ZNF232: variants seen among roughly 807,000 people sequenced by gnomAD.
The protein encoded by ZNF232 is zinc finger and SCAN domain-containing protein 11.
ZNF232 carries 25 observed loss-of-function variants against 25.2 expected under a neutral mutation model. The observed-to-expected ratio is 0.99, with a 90% CI of 0.72 to 1.39. ZNF232 has a LOEUF of 1.39. ZNF232 is among the 40% of genes most tolerant of loss of function. The pLI is 0.00. For missense variants in ZNF232, 519 were observed against 520.9 expected, an observed-to-expected ratio of 1.00 and a Z score of 0.04; for synonymous variants, 193 against 182.9, an observed-to-expected ratio of 1.06 and a Z score of -0.45.
intron 3 of ZNF232, among the ~76,000 whole-genome samples, chr17:5,107,862 T>C (rs1361606671): frequency 6.6e-6 from 1 of 152,088 alleles, no homozygotes; most frequent in South Asian, 2.1e-4. Flanking sequence ...TAAAAATTCA[T>C]TTTTTCAGGT....
At chr17:5,106,523 A>G in intron 3 of ZNF232, 2 of 1,609,316 alleles carry the variant, frequency 1.2e-6, no homozygotes, top group Non-Finnish European at 1.7e-6. Context: ...GAAAATGTAA[A>G]TATACCTGTT....
chr17:5,108,155 T>A (rs2072306867), intron 3 of ZNF232, among the ~76,000 whole-genome samples: 2 of 149,750 alleles, frequency 1.3e-5, no homozygotes, highest in African/African-American at 2.4e-5. Flanking sequence ...ATGCCTTGGT[T>A]TGGTGATAGT....
At chr17:5,113,107 GTTCTCAGA>G (rs1336810996), upstream of ZNF232, among the ~76,000 whole-genome samples, 1 of 152,204 alleles carries the variant, frequency 6.6e-6, no homozygotes. Context: ...CATAGTAACA[GTTCTCAGA>G]TTCTCAGATT....
At chr17:5,115,555 A>AACACACACACACACACACACACAC (rs61171102), upstream of ZNF232, among the ~76,000 whole-genome samples, 877 of 148,750 alleles carry the variant, frequency 5.9e-3, 6 homozygotes, top group East Asian at 0.032. Context: ...CGTCTCCAAA[A>AACACACACACACACACACACACAC]ACACACACAC....
At chr17:5,105,978 T>C in exon 4 of ZNF232, 1 of 1,614,180 alleles carries the variant, frequency 6.2e-7, no homozygotes, top group Non-Finnish European at 8.5e-7. Context: ...ACTAAAGGCC[T>C]TCCCACACTC....
chr17:5,106,226 G>C, exon 4 of ZNF232: 1 of 1,614,184 alleles, frequency 6.2e-7, no homozygotes, highest in Non-Finnish European at 8.5e-7. Context: ...TATAAATGAA[G>C]GTTTTACCAC....
upstream of ZNF232, chr17:5,116,758 T>C (rs2072547989): frequency 1.3e-5 from 2 of 152,256 alleles, no homozygotes; most frequent in African/African-American, 4.8e-5. Flanking sequence ...TTTGGGCAAA[T>C]TTGCCTTTCT....
At chr17:5,109,192 C>T in intron 2 of ZNF232, 140 bp from the exon 3 acceptor site, 1 of 1,334,584 alleles carries the variant, frequency 7.5e-7, no homozygotes. Flanking sequence ...TCCTCAGAGT[C>T]AGCACAAGGG....
intron 2 of ZNF232, 133 bp downstream of exon 2, chr17:5,109,261 C>A (rs776989983): frequency 3.9e-6 from 5 of 1,272,530 alleles, no homozygotes; most frequent in African/African-American, 1.5e-5. Flanking sequence ...AAGACAGACA[C>A]AGAAACACAT....
At chr17:5,111,842 G>T (rs770524594), upstream of ZNF232, 1 of 1,613,732 alleles carries the variant, frequency 6.2e-7, no homozygotes, top group Non-Finnish European at 8.5e-7. Flanking sequence ...GCCGCGAATC[G>T]CGCCACTTAC....
chr17:5,109,931 C>G lies in ZNF232; in HGVS notation c.24-63G>C, dbSNP rs543553289. On this transcript the variant is annotated intron_variant, in intron 1 of 3. Coordinates refer to ENST00000575898, the Ensembl canonical transcript of ZNF232. ...TTAAGACAGAGTCTTTCTCTGTTACCCAGGCTGGAGTGCAGTGACATGATC... is the reference window on the plus strand; with the variant it reads ...TTAAGACAGAGTCTTTCTCTGTTACGCAGGCTGGAGTGCAGTGACATGATC... 9.3e-5 allele frequency: 137 copies of G among 1,467,636 alleles called. 1 individual carries two copies. In the African/African-American group the frequency reaches 1.8e-3, roughly 19 times the overall value. The allele number at this position is 1,467,636 out of a possible 1,614,324, so 90.9% of individuals were successfully genotyped here.
At chr17:5,109,805 A>G (rs1054102051) in exon 2 of ZNF232, 10 of 1,614,128 alleles carry the variant, frequency 6.2e-6, no homozygotes, top group Non-Finnish European at 8.5e-6. Flanking sequence ...TTAGTGATAC[A>G]GCCATCCTAG....
intron 1 of ZNF232, chr17:5,110,997 A>T (rs1270525157): frequency 6.6e-6 from 1 of 152,234 alleles, no homozygotes; most frequent in Admixed American, 6.5e-5. Flanking sequence ...CACATGTTGC[A>T]CGTGAAAAGA....
chr17:5,106,010 T>G (rs780294479), exon 4 of ZNF232: 1 of 1,614,184 alleles, frequency 6.2e-7, no homozygotes, highest in East Asian at 2.2e-5. Flanking sequence ...AGGGCTTCTC[T>G]CCTGAGTGAA....
intron 3 of ZNF232, among the ~76,000 whole-genome samples, chr17:5,108,553 T>C (rs916987584): frequency 7.3e-5 from 11 of 151,476 alleles, no homozygotes; most frequent in Middle Eastern, 7.0e-3. Flanking sequence ...GGCTGGCCTC[T>C]AGCTCAGGGC....
intron 3 of ZNF232, among the ~76,000 whole-genome samples, chr17:5,108,202 A>G (rs2072308391): frequency 1.3e-5 from 2 of 152,224 alleles, no homozygotes; most frequent in Admixed American, 6.5e-5. Flanking sequence ...GCAAATATCA[A>G]GTAGACTCTT....
chr17:5,107,667 T>C (rs968717316), intron 3 of ZNF232, among the ~76,000 whole-genome samples: 1 of 151,668 alleles, frequency 6.6e-6, no homozygotes, highest in African/African-American at 2.4e-5. Flanking sequence ...GCCTCCCCAG[T>C]AGCTGGGATT....
chr17:5,112,563 TG>T (rs2072442703), upstream of ZNF232, among the ~76,000 whole-genome samples: 1 of 151,240 alleles, frequency 6.6e-6, no homozygotes, highest in Non-Finnish European at 1.5e-5. Flanking sequence ...GCCATTCTCC[TG>T]CCTCAGCCTC....
chr17:5,109,661 G>C, exon 2 of ZNF232: 1 of 1,614,214 alleles, frequency 6.2e-7, no homozygotes, highest in Non-Finnish European at 8.5e-7. Context: ...GTTGGCGGAA[G>C]ATCTCTTGAC....
Sources: allele counts gnomAD v4.1 joint callset (sites outside exome capture counted in the v4.1 genomes callset), GRCh38; gene constraint gnomAD v4.1.1; transcripts MANE v1.5; gene names NCBI Gene and HGNC (gene_info 2026-07-23, HGNC 2026-07-21).